SEPTIN9: variants seen among roughly 807,000 people sequenced by gnomAD.
SEPTIN9 encodes the protein septin-9.
In SEPTIN9, 13 loss-of-function variants were observed where a neutral mutation model predicts 56.6. The ratio of observed to expected loss-of-function variants is 0.23; its 90% confidence interval spans 0.15 to 0.37. The LOEUF (loss-of-function observed/expected upper bound fraction) is 0.37, where lower values mean the gene tolerates loss of function less well. Ranked by LOEUF, SEPTIN9 falls within the 10% of genes least tolerant of loss-of-function variation. SEPTIN9 has a pLI of 1.00. For missense variants in SEPTIN9, 650 were observed against 823.1 expected (o/e 0.79, Z 2.57); for synonymous variants, 332 against 334.1 (o/e 0.99, Z 0.07).
intron 4 of SEPTIN9, among the ~76,000 whole-genome samples, chr17:77,486,596 A>G (rs985607843): frequency 1.3e-5 from 2 of 150,308 alleles, no homozygotes; most frequent in Non-Finnish European, 3.0e-5. Flanking sequence ...TATGTGTAAG[A>G]GGTATGTTTG....
Position 77,445,503 on chromosome 17 carries a change from G to T in SEPTIN9, c.722-36641G>T. ...CAGAGTGCAGGACCTGGGAACTGGG[G>T]GTTGGTGCATGTGTGCACGCACGTG... On this transcript the variant is annotated intron_variant, in intron 3 of 11. Transcript: ENST00000427177. The surrounding 1 kb of genome is among the most constrained non-coding windows in gnomAD (Gnocchi z 4.7). 1 of 447,394 alleles carries T rather than the reference G, an allele frequency of 2.2e-6. No homozygotes were observed. The allele number at this position is 447,394 out of a possible 1,614,324, so 27.7% of individuals were successfully genotyped here. A position where few individuals can be genotyped will look rare whatever the true frequency, so the allele number is the denominator to read the frequency against.
At chr17:77,398,867 G>A (rs1274475204) in intron 2 of SEPTIN9, among the ~76,000 whole-genome samples, 4 of 152,180 alleles carry the variant, frequency 2.6e-5, no homozygotes, top group Admixed American at 6.5e-5. Context: ...GCATGGGAGT[G>A]GTGCTGGACC....
chr17:77,377,420 C>G (rs1306891216), intron 2 of SEPTIN9, among the ~76,000 whole-genome samples: 1 of 152,114 alleles, frequency 6.6e-6, no homozygotes, highest in East Asian at 1.9e-4. Flanking sequence ...TTCCAAGTAC[C>G]AGCTGTTGGC....
At chr17:77,321,469 A>G (rs1195076071) in intron 2 of SEPTIN9, among the ~76,000 whole-genome samples, 2 of 149,206 alleles carry the variant, frequency 1.3e-5, no homozygotes, top group Non-Finnish European at 3.0e-5. Flanking sequence ...GCGCGATCTC[A>G]GCTCACTGCA....
intron 2 of SEPTIN9, among the ~76,000 whole-genome samples, chr17:77,386,102 A>C (rs528628716): frequency 1.3e-5 from 2 of 152,314 alleles, no homozygotes; most frequent in Admixed American, 1.3e-4. Context: ...TGCCACGTGC[A>C]GACAGTCCCT....
chr17:77,390,587 G>A (rs2035506337), intron 2 of SEPTIN9, among the ~76,000 whole-genome samples: 1 of 151,314 alleles, frequency 6.6e-6, no homozygotes, highest in Non-Finnish European at 1.5e-5. Flanking sequence ...GAGTAGCTGG[G>A]ACTACAGGCG....
rs552812907 is a variant in SEPTIN9 at position 77,310,631 on chromosome 17, C to T, written c.76+3434C>T. Among the ~76,000 whole-genome samples the T allele has an allele frequency of 6.6e-6, 1 of 152,252 alleles. No individual in the cohort carries two copies. The highest frequency in any genetic ancestry group is 2.4e-5 in the African/African-American group (1 of 41,538). On this transcript the variant is annotated intron_variant, in intron 2 of 11. Coordinates refer to ENST00000427177, the MANE Select transcript of SEPTIN9 (RefSeq NM_001113491.2). This position sits in a 1 kb window ranked among gnomAD's most constrained non-coding sequence, Gnocchi z 4.7. ...GGCTGTGGAGATGCGCTTCTCAGCC[C>T]TTCTAGATGTTACCACCACGCCCTC...
chr17:77,331,960 G>A (rs2033381272), intron 2 of SEPTIN9, among the ~76,000 whole-genome samples: 1 of 152,054 alleles, frequency 6.6e-6, no homozygotes, highest in South Asian at 2.1e-4. Context: ...ACTTTTTGCC[G>A]TAAAACTTTT....
chr17:77,399,117 T>G (rs1049406750), intron 2 of SEPTIN9, among the ~76,000 whole-genome samples: 1 of 152,204 alleles, frequency 6.6e-6, no homozygotes, highest in Non-Finnish European at 1.5e-5. Context: ...AATGATCCGC[T>G]TGTGCACGTG....
chr17:77,417,817 A>G (rs1333122147), intron 3 of SEPTIN9, among the ~76,000 whole-genome samples: 1 of 152,180 alleles, frequency 6.6e-6, no homozygotes, highest in Non-Finnish European at 1.5e-5. Flanking sequence ...AGAATTCCTC[A>G]GCTGCAAATC....
intron 2 of SEPTIN9, among the ~76,000 whole-genome samples, chr17:77,341,887 C>A (rs2033741882): frequency 6.6e-6 from 1 of 150,594 alleles, no homozygotes; most frequent in Admixed American, 6.6e-5. Context: ...TTGAGACCAT[C>A]CTGGCTAACA....
rs370202041 is a variant in SEPTIN9 at position 77,304,521 on chromosome 17, C to T, written c.20-2620C>T. Among the ~76,000 whole-genome samples, 551 of 152,206 alleles carry T rather than the reference C, an allele frequency of 3.6e-3. 2 individuals are homozygous for T. Among genetic ancestry groups the T allele is most frequent in the African/African-American group, 0.012 (515 of 41,522 alleles). On this transcript the variant is annotated intron_variant, in intron 1 of 11. Coordinates refer to ENST00000427177, the MANE Select transcript of SEPTIN9 (RefSeq NM_001113491.2). The stretch of plus-strand genomic sequence containing the variant: ...GGAACCTCTTCTATTTTCCTTTTGC[C>T]TGGTGCTAGGGGGCAGAAGGCAGGG...
chr17:77,290,035 A>G (rs776859264), intron 1 of SEPTIN9, among the ~76,000 whole-genome samples: 10 of 152,192 alleles, frequency 6.6e-5, no homozygotes, highest in Non-Finnish European at 1.5e-4. Context: ...CATGGATTTC[A>G]TGATTATCAC....
At position 77,487,248 on chromosome 17, in the gene SEPTIN9, C is replaced by T. The variant is rs1325159762; in HGVS notation, c.914-176C>T. On this transcript the variant is annotated intron_variant, in intron 4 of 11. Transcript: ENST00000427177. This position sits in a 1 kb window ranked among gnomAD's most constrained non-coding sequence, Gnocchi z 4.3. Reference sequence around the variant, plus strand: ...GTGGGTTTACACAGTCACTGGACACCCGGCTCGAGGGTGAAGTCCTCGGGG... The same window carrying T: ...GTGGGTTTACACAGTCACTGGACACTCGGCTCGAGGGTGAAGTCCTCGGGG... 1.3e-5 allele frequency among the ~76,000 whole-genome samples: 2 copies of T among 152,162 alleles called. No individual in the cohort carries two copies. Among genetic ancestry groups the T allele is most frequent in the Non-Finnish European group, 2.9e-5 (2 of 68,024 alleles).
chr17:77,366,195 T>A (rs1233285930), intron 2 of SEPTIN9, among the ~76,000 whole-genome samples: 1 of 152,112 alleles, frequency 6.6e-6, no homozygotes, highest in Non-Finnish European at 1.5e-5. Flanking sequence ...TTTGCAGAGC[T>A]CCCGGAAGGG....
intron 3 of SEPTIN9, among the ~76,000 whole-genome samples, chr17:77,448,034 G>A (rs541317809): frequency 2.6e-5 from 4 of 152,176 alleles, no homozygotes; most frequent in Non-Finnish European, 4.4e-5. Context: ...GAGAGATGCC[G>A]CTGTGTGTTT....
intron 8 of SEPTIN9, 45 bp downstream of exon 8, chr17:77,490,904 G>T: frequency 6.9e-7 from 1 of 1,441,374 alleles, no homozygotes; most frequent in South Asian, 1.2e-5. Flanking sequence ...GTGCAACCTG[G>T]AGACGCTGCA....
intron 3 of SEPTIN9, among the ~76,000 whole-genome samples, chr17:77,409,810 G>C (rs1242421290): frequency 6.6e-6 from 1 of 152,254 alleles, no homozygotes; most frequent in African/African-American, 2.4e-5. Context: ...GCTCTGTGCG[G>C]TGTGGACAGA....
At chr17:77,452,898 G>A (rs1271837280) in intron 3 of SEPTIN9, among the ~76,000 whole-genome samples, 1 of 150,098 alleles carries the variant, frequency 6.7e-6, no homozygotes, top group African/African-American at 2.5e-5. Context: ...TTGGAAAGGT[G>A]GGATTCTTGT....
Sources: gnomAD v4.1 joint callset for allele counts (sites outside exome capture counted in the v4.1 genomes callset) on GRCh38, gnomAD v4.1.1 for gene constraint, Gnocchi (gnomAD v3.1) non-coding constraint, MANE v1.5 for transcripts, NCBI Gene and HGNC (gene_info 2026-07-23, HGNC 2026-07-21) for gene names.